Variants in SPECC1L observed in about 807,000 individuals in gnomAD.
SPECC1L encodes sperm antigen with calponin homology and coiled-coil domains 1 like.
In SPECC1L, 40 loss-of-function variants were observed where a neutral mutation model predicts 116.8. The ratio of observed to expected loss-of-function variants is 0.34; its 90% confidence interval spans 0.27 to 0.45. The LOEUF is 0.45. Among genes scored for constraint, SPECC1L ranks in the 20% least tolerant of loss-of-function variants. The pLI, the probability that SPECC1L is intolerant of heterozygous loss-of-function variation, is 1.00. For missense variants in SPECC1L, 1,110 were observed against 1,373.6 expected (o/e 0.81, Z 3.03); for synonymous variants, 504 against 500.6 (o/e 1.01, Z -0.09).
At chr22:24,282,766 A>G (rs1601490055) in intron 2 of SPECC1L, among the ~76,000 whole-genome samples, 1 of 147,962 alleles carries the variant, frequency 6.8e-6, no homozygotes, top group African/African-American at 2.5e-5. Flanking sequence ...GGTGAGTTAC[A>G]TTGAGTTTTG....
At chr22:24,378,696 G>A (rs1458864171) in intron 14 of SPECC1L, among the ~76,000 whole-genome samples, 2 of 152,226 alleles carry the variant, frequency 1.3e-5, no homozygotes, top group East Asian at 3.9e-4. Context: ...GAGGGAGAGA[G>A]ACAGAATGGC....
At chr22:24,288,428 T>A (rs1416089544) in intron 2 of SPECC1L, among the ~76,000 whole-genome samples, 1 of 151,934 alleles carries the variant, frequency 6.6e-6, no homozygotes, top group African/African-American at 2.4e-5. Context: ...TACCCCTCAT[T>A]AAGTACCACT....
At chr22:24,375,340 C>G (rs995222437) in intron 14 of SPECC1L, among the ~76,000 whole-genome samples, 7 of 152,090 alleles carry the variant, frequency 4.6e-5, no homozygotes, top group African/African-American at 1.7e-4. Context: ...CATCATTACT[C>G]TCATACCAAA....
At chr22:24,406,181 G>T (rs1013403311) in intron 14 of SPECC1L, among the ~76,000 whole-genome samples, 1 of 152,204 alleles carries the variant, frequency 6.6e-6, no homozygotes, top group African/African-American at 2.4e-5. Flanking sequence ...GCAACAGAAA[G>T]TTTAGTTCCA....
rs758214344 is a variant in SPECC1L, at chr22:24,363,337, C to G, written c.2820C>G (p.Thr940=). 2 of 1,613,852 alleles carry G rather than the reference C, an allele frequency of 1.2e-6. No individual in the cohort carries two copies. Among genetic ancestry groups the G allele is most frequent in the South Asian group, 2.2e-5 (2 of 91,074 alleles). Residue 940 remains threonine, a synonymous_variant, in exon 12 of 17, where the codon ACC becomes ACG. Coordinates refer to ENST00000314328, the MANE Select transcript of SPECC1L (RefSeq NM_015330.6). ...TGCCTGCGATGGAAAGTGCCAAGAC[C>G]CTCTCAGGTGATGACTTTCATCTGA... The part of the protein sequence containing the change: ...PRVPAMESAK[T]LSVSRRSSEE...
chr22:24,406,790 T>C (rs934591038), intron 14 of SPECC1L, among the ~76,000 whole-genome samples: 18 of 152,268 alleles, frequency 1.2e-4, no homozygotes, highest in African/African-American at 1.7e-4. Flanking sequence ...CTCCCCGCCT[T>C]CCTGCCTGGT....
intron 13 of SPECC1L, 25 bp downstream of exon 13, chr22:24,365,657 A>C: frequency 6.2e-7 from 1 of 1,613,270 alleles, no homozygotes; most frequent in African/African-American, 1.3e-5. Context: ...ATATTCATGC[A>C]TTTCGTGTGT....
chr22:24,293,548 T>C (rs3888493), intron 2 of SPECC1L, among the ~76,000 whole-genome samples: 565 of 134,214 alleles, frequency 4.2e-3, no homozygotes, highest in African/African-American at 5.8e-3. Flanking sequence ...ATGAACTTAT[T>C]ATGAGCCTCT....
At chr22:24,331,064 G>T (rs1292342783) in intron 8 of SPECC1L, among the ~76,000 whole-genome samples, 1 of 152,174 alleles carries the variant, frequency 6.6e-6, no homozygotes, top group Non-Finnish European at 1.5e-5. Context: ...AATCTCCACA[G>T]TAGGTTTTTT....
rs112351540 is a variant in SPECC1L, at chr22:24,371,953, T to G, written c.3087+2633T>G. ...CCAGGCTGGTCTTGAATTCCTTACC[T>G]CAGGTAATCTGCCTGCCTCAGCCTC... On this transcript the variant is annotated intron_variant, in intron 14 of 16. Coordinates refer to ENST00000314328, the MANE Select transcript of SPECC1L (RefSeq NM_015330.6). 8.8e-3 allele frequency among the ~76,000 whole-genome samples: 1,343 copies of G among 152,240 alleles called. 20 individuals carry two copies. The highest frequency in any genetic ancestry group is 0.031 in the African/African-American group (1,281 of 41,520).
chr22:24,362,119 G>A (rs1296366725), intron 11 of SPECC1L, among the ~76,000 whole-genome samples: 1 of 152,202 alleles, frequency 6.6e-6, no homozygotes, highest in Admixed American at 6.5e-5. Flanking sequence ...TGACCAGAAA[G>A]AACAATTCTG....
chr22:24,307,288 G>C lies in SPECC1L; in HGVS notation c.153+4904G>C, dbSNP rs547396350. On this transcript the variant is annotated intron_variant, in intron 3 of 16. Transcript: ENST00000314328. ...AGTACATAAGGGTTCCAATTTTTTC[G>C]CGTCCTCTGCAATAGTTGTTATTTT... Among the ~76,000 whole-genome samples the C allele has an allele frequency of 1.1e-4, 16 of 152,208 alleles. 1 individual carries two copies. In the South Asian group the frequency reaches 2.3e-3, roughly 22 times the overall value.
chr22:24,370,881 A>G (rs2041858286), intron 14 of SPECC1L, among the ~76,000 whole-genome samples: 1 of 151,948 alleles, frequency 6.6e-6, no homozygotes. Flanking sequence ...AGTAATATTT[A>G]TAGAGACAAA....
chr22:24,350,583 C>G (rs2146576634), intron 11 of SPECC1L, among the ~76,000 whole-genome samples: 1 of 152,266 alleles, frequency 6.6e-6, no homozygotes, highest in East Asian at 1.9e-4. Flanking sequence ...TTTTAGACGC[C>G]TGAGTTGCCT....
intron 3 of SPECC1L, among the ~76,000 whole-genome samples, chr22:24,312,816 C>T (rs187378240): frequency 6.6e-6 from 1 of 152,204 alleles, no homozygotes; most frequent in Non-Finnish European, 1.5e-5. Context: ...TTAGAAAATA[C>T]CTCCTTTCAA....
At chr22:24,354,323 A>G (rs1456840841) in intron 11 of SPECC1L, among the ~76,000 whole-genome samples, 2 of 152,306 alleles carry the variant, frequency 1.3e-5, no homozygotes. Flanking sequence ...TTTGCCCACA[A>G]CAGTTATTAC....
chr22:24,409,836 G>A (rs970267948), intron 14 of SPECC1L, among the ~76,000 whole-genome samples: 1 of 152,126 alleles, frequency 6.6e-6, no homozygotes, highest in Non-Finnish European at 1.5e-5. Context: ...ACCAGCCTGG[G>A]CGACATAGCG....
chr22:24,319,126 A>G (rs115501284), intron 4 of SPECC1L, among the ~76,000 whole-genome samples: 125 of 152,106 alleles, frequency 8.2e-4, no homozygotes, highest in African/African-American at 2.9e-3. Context: ...TTTCTTCCTT[A>G]TGTATTCCAC....
rs529157819 is a variant in SPECC1L, at chr22:24,360,501, A to T, written c.2744-2760A>T. On this transcript the variant is annotated intron_variant, in intron 11 of 16. Transcript: ENST00000314328. ...AGACTTGGATCCTTAACCATGCAGT[A>T]AGAAACAGACTCAGCCAGCGTTGGG... Among the ~76,000 whole-genome samples, 5 of 152,354 alleles carry T rather than the reference A, an allele frequency of 3.3e-5. No homozygotes were observed. The East Asian group carries it at 9.6e-4, about 29-fold the overall frequency.
Sources: allele counts gnomAD v4.1 joint callset (sites outside exome capture counted in the v4.1 genomes callset), GRCh38; gene constraint gnomAD v4.1.1; transcripts MANE v1.5; gene names NCBI Gene and HGNC (gene_info 2026-07-23, HGNC 2026-07-21).